Variants in ANAPC7 observed in about 807,000 individuals in gnomAD.
ANAPC7 encodes the protein anaphase-promoting complex subunit 7.
In ANAPC7, 25 loss-of-function variants were observed where a neutral mutation model predicts 63.3. That is an observed-to-expected ratio of 0.39 (90% confidence interval 0.29 to 0.55). ANAPC7 has a LOEUF of 0.55. Among genes scored for constraint, ANAPC7 ranks in the 20% least tolerant of loss-of-function variants. The pLI, the probability that ANAPC7 is intolerant of heterozygous loss-of-function variation, is 0.57. For synonymous variants in ANAPC7, 241 were observed against 251.7 expected (o/e 0.96, Z 0.40); for missense variants, 516 against 691.7 (o/e 0.75, Z 2.85).
chr12:110,399,242 A>G (rs1453082169), intron 1 of ANAPC7, among the ~76,000 whole-genome samples: 1 of 151,854 alleles, frequency 6.6e-6, no homozygotes, highest in Non-Finnish European at 1.5e-5. Context: ...CGCTGGTCTC[A>G]AACTCCTGAC....
intron 3 of ANAPC7, among the ~76,000 whole-genome samples, chr12:110,393,560 T>C (rs1883284239): frequency 6.6e-6 from 1 of 151,800 alleles, no homozygotes; most frequent in Non-Finnish European, 1.5e-5. Flanking sequence ...AGACCATCTC[T>C]ATTTAAAAAA....
At chr12:110,388,426 A>G (rs1458378313) in intron 4 of ANAPC7, 86 bp downstream of exon 4, 3 of 1,020,266 alleles carry the variant, frequency 2.9e-6, no homozygotes, top group East Asian at 4.9e-5. Context: ...TAAAAAAAAT[A>G]AAGTTATTCT....
intron 3 of ANAPC7, among the ~76,000 whole-genome samples, chr12:110,391,776 T>G (rs997475039): frequency 6.6e-6 from 1 of 152,200 alleles, no homozygotes; most frequent in Non-Finnish European, 1.5e-5. Flanking sequence ...AAGTAAGGAA[T>G]AGTATCCTTC....
intron 8 of ANAPC7, among the ~76,000 whole-genome samples, chr12:110,380,252 G>A (rs753687507): frequency 6.6e-6 from 1 of 152,096 alleles, no homozygotes; most frequent in Non-Finnish European, 1.5e-5. Context: ...TCAGGAGGCT[G>A]AAGCAGGAGA....
chr12:110,403,397 C>T, intron 1 of ANAPC7, 130 bp downstream of exon 1: 1 of 1,017,942 alleles, frequency 9.8e-7, no homozygotes, highest in Non-Finnish European at 1.4e-6. Context: ...AGGACGCCCT[C>T]GCAGACCCCG....
rs374276809 is a variant in ANAPC7, at chr12:110,401,108, A to T, written c.101+2419T>A. Among the ~76,000 whole-genome samples, 15 of 152,330 alleles carry T rather than the reference A, an allele frequency of 9.8e-5. No individual in the cohort carries two copies. In the East Asian group the frequency reaches 2.7e-3, roughly 27 times the overall value. The stretch of plus-strand genomic sequence containing the variant: ...TAATGAAAATCCAATGGGCAGCAGC[A>T]GCTGCATTGTAAGCACTTAAAGGAC... On this transcript the variant is annotated intron_variant, in intron 1 of 10. Transcript: ENST00000455511.
At chr12:110,388,162 G>A (rs1204200765) in intron 4 of ANAPC7, among the ~76,000 whole-genome samples, 3 of 152,032 alleles carry the variant, frequency 2.0e-5, no homozygotes, top group East Asian at 3.9e-4. Flanking sequence ...CCAGCCTTCC[G>A]AGAAGCTGGG....
In ANAPC7 at chr12:110,377,856, G is replaced by A. The variant is rs1265786835; in HGVS notation, c.1133-239C>T. The A allele has an allele frequency of 1.4e-5, 20 of 1,385,368 alleles. No homozygotes were observed. In the Admixed American group the frequency reaches 1.5e-4, roughly 10 times the overall value. The allele number at this position is 1,385,368 out of a possible 1,614,324, so 85.8% of individuals were successfully genotyped here. On this transcript the variant is annotated intron_variant, in intron 8 of 10. Coordinates refer to ENST00000455511, the MANE Select transcript of ANAPC7 (RefSeq NM_016238.3). ...CCTTCAAAGGCACCTTCAGTTTAGGGAAGGAAACAAGCACATGTAAGGAAC... is the reference window on the plus strand; with the variant it reads ...CCTTCAAAGGCACCTTCAGTTTAGGAAAGGAAACAAGCACATGTAAGGAAC...
rs1206752903 is a variant in ANAPC7 at position 110,382,984 on chromosome 12, AAG to A, written c.818-26_818-25del. 4 of 1,584,936 alleles carry A rather than the reference AAG, an allele frequency of 2.5e-6. No homozygotes were observed. The African/African-American group carries it at 5.4e-5, about 21-fold the overall frequency. On this transcript the variant is annotated intron_variant, in intron 6 of 10. Transcript: ENST00000455511. ...TCCTAGAAGAGAAGGACATAGTGAG[AAG>A]AGGTGTTTTAAGAAGAGAAGCAGGG...
At chr12:110,374,473 A>G in intron 10 of ANAPC7, 140 bp from the exon 11 acceptor site, 1 of 688,892 alleles carries the variant, frequency 1.5e-6, no homozygotes, top group Non-Finnish European at 2.3e-6. Context: ...CAAACAACTC[A>G]GGCTTCCAAG....
In ANAPC7 at chr12:110,379,305, C is replaced by G. The variant is rs913711111; in HGVS notation, c.1133-1688G>C. 5.3e-5 allele frequency among the ~76,000 whole-genome samples: 8 copies of G among 152,300 alleles called. No homozygotes were observed. The South Asian group carries it at 6.2e-4, about 12-fold the overall frequency. On this transcript the variant is annotated intron_variant, in intron 8 of 10. Coordinates refer to ENST00000455511, the MANE Select transcript of ANAPC7 (RefSeq NM_016238.3). ...GCACTTGCCTAACCTAAATCTCTACCAGCAAAAGAAGGAAGCTCCAACTGG... is the reference window on the plus strand; with the variant it reads ...GCACTTGCCTAACCTAAATCTCTACGAGCAAAAGAAGGAAGCTCCAACTGG...
At chr12:110,387,295 G>GAGAGAGAGAGAGAC (rs1882614549) in intron 5 of ANAPC7, 1 of 132,476 alleles carries the variant, frequency 7.5e-6, no homozygotes, top group African/African-American at 2.9e-5. Flanking sequence ...GACAGAGAGA[G>GAGAGAGAGAGAGAC]AGAGAGAGAG....
intron 1 of ANAPC7, among the ~76,000 whole-genome samples, chr12:110,402,755 A>G (rs980720113): frequency 1.6e-4 from 24 of 151,832 alleles, no homozygotes; most frequent in African/African-American, 5.1e-4. Context: ...CCTTTTTTTG[A>G]GACAGGCAGT....
chr12:110,393,714 A>C (rs1334657302), intron 3 of ANAPC7, among the ~76,000 whole-genome samples: 1 of 151,982 alleles, frequency 6.6e-6, no homozygotes, highest in Non-Finnish European at 1.5e-5. Flanking sequence ...CTAAAATTAC[A>C]AAATTAGTTG....
At position 110,387,801 on chromosome 12, in the gene ANAPC7, C is replaced by T; in HGVS notation, c.612G>A (p.Val204=). 6.2e-7 allele frequency: 1 copy of T among 1,614,186 alleles called. No individual in the cohort carries two copies. Among genetic ancestry groups the T allele is most frequent in the Non-Finnish European group, 8.5e-7 (1 of 1,180,028 alleles). Reference sequence around the variant, plus strand: ...GCACAAAAGCATACGCTTTGATCCACACAGAGAGCCAGTCCAAGTTAGGCA... The same window carrying T: ...GCACAAAAGCATACGCTTTGATCCATACAGAGAGCCAGTCCAAGTTAGGCA... The part of the protein sequence containing the change: ...QTVPNLDWLS[V]WIKAYAFVHT... Residue 204 remains valine, a synonymous_variant, in exon 5 of 11, where the codon GTG becomes GTA. Transcript: ENST00000455511.
chr12:110,402,902 ATTGT>A (rs1393996515), intron 1 of ANAPC7, among the ~76,000 whole-genome samples: 9 of 151,824 alleles, frequency 5.9e-5, no homozygotes, highest in Middle Eastern at 3.4e-3. Context: ...CGCCCGGCTA[ATTGT>A]TTAATTTTTA....
At chr12:110,394,669 CAAAAAAAAAAA>C (rs779142936) in intron 3 of ANAPC7, among the ~76,000 whole-genome samples, 5 of 42,788 alleles carry the variant, frequency 1.2e-4, no homozygotes, top group African/African-American at 3.2e-4. Context: ...AATTCCACCT[CAAAAAAAAAAA>C]AAAAAAAAAA....
At chr12:110,388,846 C>T (rs553031670) in intron 3 of ANAPC7, among the ~76,000 whole-genome samples, 2 of 152,012 alleles carry the variant, frequency 1.3e-5, no homozygotes, top group African/African-American at 4.8e-5. Context: ...TTTGGGAGGC[C>T]GAGGTGGGTG....
At chr12:110,385,766 A>G (rs1423728049) in intron 6 of ANAPC7, among the ~76,000 whole-genome samples, 1 of 152,136 alleles carries the variant, frequency 6.6e-6, no homozygotes, top group Non-Finnish European at 1.5e-5. Context: ...AATAGACAGC[A>G]TATCTATCTG....
Sources: gnomAD v4.1 joint callset for allele counts (sites outside exome capture counted in the v4.1 genomes callset) on GRCh38, gnomAD v4.1.1 for gene constraint, MANE v1.5 for transcripts, NCBI Gene and HGNC (gene_info 2026-07-23, HGNC 2026-07-21) for gene names.